The following SPMAP2L variants were observed in gnomAD, a reference collection of about 807,000 sequenced individuals.
SPMAP2L encodes sperm microtubule associated protein 2 like.
chr4:56,622,076 G>A, the SPMAP2L span, among the ~76,000 whole-genome samples: 1 of 152,260 alleles, frequency 6.6e-6, no homozygotes, highest in South Asian at 2.1e-4. Context: ...GAGAAATTGG[G>A]GGACAGGGTA....
the SPMAP2L span, among the ~76,000 whole-genome samples, chr4:56,566,699 T>A: frequency 1.5e-5 from 1 of 68,282 alleles, no homozygotes; most frequent in East Asian, 6.4e-4. Context: ...CTTTTTCTTT[T>A]TTTTTTTTTT....
At chr4:56,588,088 CAT>C in the SPMAP2L span, among the ~76,000 whole-genome samples, 1 of 152,130 alleles carries the variant, frequency 6.6e-6, no homozygotes, top group Non-Finnish European at 1.5e-5. Flanking sequence ...AGCATTTTTT[CAT>C]ATGTTTGTTG....
the SPMAP2L span, chr4:56,596,638 C>CA: frequency 1.3e-6 from 2 of 1,508,346 alleles, no homozygotes; most frequent in Non-Finnish European, 1.8e-6. Flanking sequence ...TCCTGTAAGC[C>CA]ATCGCTACCT....
the SPMAP2L span, among the ~76,000 whole-genome samples, chr4:56,579,598 T>C: frequency 6.6e-6 from 1 of 152,102 alleles, no homozygotes; most frequent in African/African-American, 2.4e-5. Flanking sequence ...AGTGAGACCC[T>C]ATCTCTTCAA....
chr4:56,545,718 C>CAA, the SPMAP2L span, among the ~76,000 whole-genome samples: 14,860 of 93,744 alleles, frequency 0.16, 1,038 homozygotes, highest in East Asian at 0.23. Flanking sequence ...GACCCTGTCT[C>CAA]AAAAAAAAAA....
the SPMAP2L span, among the ~76,000 whole-genome samples, chr4:56,599,454 A>G: frequency 2.6e-5 from 4 of 152,158 alleles, no homozygotes; most frequent in Admixed American, 2.6e-4. Context: ...ACATAGGTAT[A>G]CATGTGCCAT....
chr4:56,548,847 T>A, the SPMAP2L span: 1 of 1,450,238 alleles, frequency 6.9e-7, no homozygotes, highest in Non-Finnish European at 9.1e-7. Context: ...ATAGTACTAT[T>A]TTCACAGACC....
the SPMAP2L span, among the ~76,000 whole-genome samples, chr4:56,612,138 C>T: frequency 6.6e-6 from 1 of 152,086 alleles, no homozygotes; most frequent in African/African-American, 2.4e-5. Context: ...CAGTTCTGGA[C>T]ACATAGATTA....
the SPMAP2L span, among the ~76,000 whole-genome samples, chr4:56,615,401 C>A: frequency 6.6e-5 from 10 of 152,208 alleles, no homozygotes; most frequent in African/African-American, 2.4e-4. Context: ...GGCACTAAAT[C>A]AGGGTATGTC....
At chr4:56,616,926 C>A in the SPMAP2L span, among the ~76,000 whole-genome samples, 2 of 152,044 alleles carry the variant, frequency 1.3e-5, no homozygotes, top group African/African-American at 2.4e-5. Context: ...AGATCTACCC[C>A]CTTAACAGAT....
chr4:56,587,095 A>G, the SPMAP2L span, among the ~76,000 whole-genome samples: 5 of 152,072 alleles, frequency 3.3e-5, no homozygotes, highest in Non-Finnish European at 5.9e-5. Flanking sequence ...TATTTTATTT[A>G]TAATTCCAGG....
chr4:56,530,886 A>G, the SPMAP2L span: 1 of 1,534,750 alleles, frequency 6.5e-7, no homozygotes, highest in Non-Finnish European at 8.7e-7. Context: ...AAGACCAGAG[A>G]GACGAGTCCG....
At chr4:56,594,220 C>A in the SPMAP2L span, 2 of 1,608,410 alleles carry the variant, frequency 1.2e-6, no homozygotes, top group South Asian at 2.2e-5. Flanking sequence ...CGTTCCTCAC[C>A]CATCAAGTGT....
the SPMAP2L span, among the ~76,000 whole-genome samples, chr4:56,592,489 C>T: frequency 6.6e-6 from 1 of 152,230 alleles, no homozygotes; most frequent in African/African-American, 2.4e-5. Context: ...CTTGGTTGAG[C>T]GCAGCGCCCA....
chr4:56,625,927 G>T, the SPMAP2L span, among the ~76,000 whole-genome samples: 2 of 152,142 alleles, frequency 1.3e-5, no homozygotes, highest in Non-Finnish European at 2.9e-5. Flanking sequence ...AATCTCCAGG[G>T]TTTCTCCAAG....
the SPMAP2L span, among the ~76,000 whole-genome samples, chr4:56,544,395 TGAA>T: frequency 6.6e-6 from 1 of 152,230 alleles, no homozygotes; most frequent in Admixed American, 6.5e-5. Context: ...TAACCTTTAC[TGAA>T]GAATAATTTT....
At chr4:56,549,057 C>A in the SPMAP2L span, among the ~76,000 whole-genome samples, 1 of 149,556 alleles carries the variant, frequency 6.7e-6, no homozygotes, top group East Asian at 2.0e-4. Flanking sequence ...GGCGTGATCT[C>A]GGCTCACTGC....
the SPMAP2L span, chr4:56,593,553 T>C: frequency 6.2e-7 from 1 of 1,601,822 alleles, no homozygotes; most frequent in Non-Finnish European, 8.6e-7. Flanking sequence ...CTTTTAGCTT[T>C]GTGCATCTTG....
chr4:56,617,357 G>C, the SPMAP2L span, among the ~76,000 whole-genome samples: 1 of 152,156 alleles, frequency 6.6e-6, no homozygotes, highest in African/African-American at 2.4e-5. Flanking sequence ...CCAAAATGTC[G>C]TTGTGCAGCA....
Sources: gnomAD v4.1 joint callset for allele counts (sites outside exome capture counted in the v4.1 genomes callset) on GRCh38, gnomAD v4.1.1 for gene constraint, MANE v1.5 for transcripts, NCBI Gene and HGNC (gene_info 2026-07-23, HGNC 2026-07-21) for gene names.